The following ARHGEF28 variants were observed in gnomAD, a reference collection of about 807,000 sequenced individuals.
ARHGEF28 encodes the protein 190 kDa guanine nucleotide exchange factor.
In ARHGEF28, 152 loss-of-function variants were observed where a neutral mutation model predicts 206.6. The ratio of observed to expected loss-of-function variants is 0.74; its 90% CI spans 0.64 to 0.84. The LOEUF is 0.84. ARHGEF28 is among the 40% of genes least tolerant of loss of function. ARHGEF28 has a pLI of 0.00. For synonymous variants in ARHGEF28, 763 were observed against 776.4 expected, an observed-to-expected ratio of 0.98 and a Z score of 0.29; for missense variants, 2,028 against 2,073.2, an observed-to-expected ratio of 0.98 and a Z score of 0.42.
chr5:73,887,643 A>C lies in ARHGEF28; in HGVS notation c.3351A>C (p.Leu1117Phe), dbSNP rs80084846. Residue 1117 changes from leucine to phenylalanine, a missense_variant, in exon 26 of 36, where the codon TTA (leucine) becomes TTC (phenylalanine). Leu to Phe is a conservative substitution (Grantham distance 22). Coordinates refer to ENST00000513042, the MANE Select transcript of ARHGEF28 (RefSeq NM_001177693.2). ...TTCTAACTGATGTGCTGCTCTTTTT[A>C]CAAGAAAAAGACCAGAAATACATCT... Reference protein sequence around the residue: ...ALLLTDVLLFLQEKDQKYIFA... With the variant: ...ALLLTDVLLFFQEKDQKYIFA... 2 of 1,574,522 alleles carry C rather than the reference A, an allele frequency of 1.3e-6. No individual in the cohort carries two copies. Among genetic ancestry groups the C allele is most frequent in the East Asian group, 2.3e-5 (1 of 43,852 alleles).
rs74995550 is a variant in ARHGEF28, at chr5:73,660,944, G to A, written c.-11-23897G>A. On this transcript the variant is annotated intron_variant, in intron 1 of 35. Coordinates refer to ENST00000513042, the MANE Select transcript of ARHGEF28 (RefSeq NM_001177693.2). ...ACTTTTGGAATGGTAAATGAGCATC[G>A]GCTTCAACTTCAAGTCACCAGCTGT... Among the ~76,000 whole-genome samples the A allele has an allele frequency of 2.0e-3, 311 of 152,214 alleles. 7 individuals are homozygous for A. The East Asian group carries it at 0.053, about 26-fold the overall frequency.
At chr5:73,886,530 G>T (rs1761309857) in intron 25 of ARHGEF28, among the ~76,000 whole-genome samples, 1 of 152,168 alleles carries the variant, frequency 6.6e-6, no homozygotes, top group Non-Finnish European at 1.5e-5. Flanking sequence ...TGTCATCTTT[G>T]TTACTGACTA....
chr5:73,853,480 G>A (rs994016805), intron 14 of ARHGEF28, among the ~76,000 whole-genome samples: 3 of 152,196 alleles, frequency 2.0e-5, no homozygotes, highest in African/African-American at 7.2e-5. Flanking sequence ...GATCAAGATG[G>A]GGTGTTTCGT....
intron 35 of ARHGEF28, among the ~76,000 whole-genome samples, chr5:73,913,020 A>G (rs538583378): frequency 6.6e-6 from 1 of 152,366 alleles, no homozygotes; most frequent in South Asian, 2.1e-4. Flanking sequence ...CTTGTGCTTC[A>G]AAGTAAAACT....
At chr5:73,909,125 C>T (rs931528967) in intron 33 of ARHGEF28, 6 of 290,664 alleles carry the variant, frequency 2.1e-5, no homozygotes. Context: ...AACTATCACC[C>T]AACCACCAGC....
chr5:73,854,381 A>T (rs910162528), intron 14 of ARHGEF28, among the ~76,000 whole-genome samples: 2 of 152,162 alleles, frequency 1.3e-5, no homozygotes, highest in African/African-American at 4.8e-5. Context: ...TTTCTTAAAG[A>T]TTATATGGCA....
At chr5:73,926,754 T>C (rs527344075) in intron 35 of ARHGEF28, among the ~76,000 whole-genome samples, 1 of 152,350 alleles carries the variant, frequency 6.6e-6, no homozygotes, top group African/African-American at 2.4e-5. Flanking sequence ...GTCTTTGAGA[T>C]GGTGTCCACC....
chr5:73,814,133 TAAG>T lies in ARHGEF28; in HGVS notation c.1025-18202_1025-18200del, dbSNP rs1162917257. Among the ~76,000 whole-genome samples the T allele has an allele frequency of 2.6e-5, 4 of 152,108 alleles. No individual in the cohort carries two copies. In the East Asian group the frequency reaches 7.7e-4, roughly 29 times the overall value. ...AGTAATTTAAAAAAATTTTTGTAAT[TAAG>T]AAAATTTTTCTATTTTATACTATTT... On this transcript the variant is annotated intron_variant, in intron 9 of 35. Coordinates refer to ENST00000513042, the MANE Select transcript of ARHGEF28 (RefSeq NM_001177693.2).
intron 9 of ARHGEF28, among the ~76,000 whole-genome samples, chr5:73,812,922 G>T (rs146946990): frequency 2.0e-5 from 3 of 152,086 alleles, no homozygotes; most frequent in Non-Finnish European, 2.9e-5. Flanking sequence ...TTAAAAGGGC[G>T]GTGAGACTGG....
At chr5:73,707,274 G>C (rs1580509042) in intron 2 of ARHGEF28, among the ~76,000 whole-genome samples, 2 of 152,208 alleles carry the variant, frequency 1.3e-5, no homozygotes, top group East Asian at 3.9e-4. Flanking sequence ...AAATTCAGAA[G>C]TTTGGAATGT....
At chr5:73,811,546 A>C (rs72770892) in intron 9 of ARHGEF28, among the ~76,000 whole-genome samples, 2 of 152,198 alleles carry the variant, frequency 1.3e-5, no homozygotes, top group African/African-American at 4.8e-5. Context: ...GAGTGAATGT[A>C]AATGCTCTTC....
intron 1 of ARHGEF28, among the ~76,000 whole-genome samples, chr5:73,653,822 G>GT (rs2112171619): frequency 6.6e-6 from 1 of 152,254 alleles, no homozygotes; most frequent in East Asian, 1.9e-4. Context: ...CCTGCCCTCT[G>GT]TTCCCCCCCG....
chr5:73,740,300 T>G (rs1173534922), intron 2 of ARHGEF28, among the ~76,000 whole-genome samples: 1 of 152,176 alleles, frequency 6.6e-6, no homozygotes, highest in Non-Finnish European at 1.5e-5. Context: ...TCTAGAATTA[T>G]ATACCAGATA....
chr5:73,890,882 T>G (rs1319403070), intron 26 of ARHGEF28, among the ~76,000 whole-genome samples: 1 of 152,250 alleles, frequency 6.6e-6, no homozygotes, highest in Non-Finnish European at 1.5e-5. Context: ...CTTTTGGCCA[T>G]TCTTTCAACT....
rs141156853 is a variant in ARHGEF28, at chr5:73,885,339, G to C, written c.3056-511G>C. Among the ~76,000 whole-genome samples, 349 of 152,252 alleles carry C rather than the reference G, an allele frequency of 2.3e-3. 1 individual carries two copies. The highest frequency in any genetic ancestry group is 8.1e-3 in the African/African-American group (338 of 41,556). ...AGGGAGAAGGTCAGACCCATCCCTA[G>C]AACTCAGACATCTTACTGTCAGCGG... is the stretch of plus-strand genomic sequence containing the variant. On this transcript the variant is annotated intron_variant, in intron 24 of 35. Coordinates refer to ENST00000513042, the MANE Select transcript of ARHGEF28 (RefSeq NM_001177693.2).
At chr5:73,725,116 T>A (rs1750196081) in intron 2 of ARHGEF28, among the ~76,000 whole-genome samples, 1 of 152,242 alleles carries the variant, frequency 6.6e-6, no homozygotes, top group Non-Finnish European at 1.5e-5. Flanking sequence ...ATGTGCATAA[T>A]CTATTTACCA....
chr5:73,700,457 G>A (rs780218210), intron 2 of ARHGEF28, among the ~76,000 whole-genome samples: 11 of 152,144 alleles, frequency 7.2e-5, no homozygotes, highest in Non-Finnish European at 1.2e-4. Flanking sequence ...AGGAATCACA[G>A]ATTTTTTCCA....
At chr5:73,727,370 G>A (rs550324023) in intron 2 of ARHGEF28, among the ~76,000 whole-genome samples, 1 of 152,130 alleles carries the variant, frequency 6.6e-6, no homozygotes, top group Non-Finnish European at 1.5e-5. Flanking sequence ...GTGCTTTTGT[G>A]ATTCTCTGAA....
intron 9 of ARHGEF28, 140 bp downstream of exon 9, chr5:73,795,531 T>G (rs1754748395): frequency 1.4e-6 from 1 of 715,488 alleles, no homozygotes; most frequent in Admixed American, 2.8e-5. Context: ...CCAGATAAAT[T>G]TTATTTGTAG....
Sources: gnomAD v4.1 joint callset for allele counts (sites outside exome capture counted in the v4.1 genomes callset) on GRCh38, gnomAD v4.1.1 for gene constraint, MANE v1.5 for transcripts, NCBI Gene and HGNC (gene_info 2026-07-23, HGNC 2026-07-21) for gene names.